SLC16A2: variants seen among roughly 807,000 people sequenced by gnomAD.
The protein encoded by SLC16A2 is solute carrier family 16 member 2.
Under a neutral mutation model 27.2 loss-of-function variants are expected in SLC16A2, and 3 were observed. That is an observed-to-expected ratio of 0.11 (90% CI 0.05 to 0.28). The LOEUF (loss-of-function observed/expected upper bound fraction) is 0.28, where lower values mean the gene tolerates loss of function less well. Ranked by LOEUF, SLC16A2 falls within the 10% of genes least tolerant of loss-of-function variation. The probability of loss-of-function intolerance (pLI) is 1.00; values close to 1 mark genes in which losing one functional copy is unlikely to be tolerated. For missense variants in SLC16A2, 295 were observed against 458.5 expected (o/e 0.64, Z 3.26); for synonymous variants, 202 against 187.8 (o/e 1.08, Z -0.62).
intron 1 of SLC16A2, among the ~76,000 whole-genome samples, chrX:74,507,778 C>T (rs1388685577): frequency 3.6e-5 from 4 of 112,086 alleles, no homozygotes; most frequent in Non-Finnish European, 7.5e-5. Context: ...CCATTATCTT[C>T]AGTGAAATAA....
chrX:74,489,338 G>A (rs1929780973), intron 1 of SLC16A2, among the ~76,000 whole-genome samples: 1 of 111,780 alleles, frequency 8.9e-6, no homozygotes, highest in Admixed American at 9.5e-5. Flanking sequence ...AATTATACAA[G>A]CAAAGATCAT....
chrX:74,511,839 T>G lies in SLC16A2; in HGVS notation c.431-9151T>G, dbSNP rs755997290. Among the ~76,000 whole-genome samples, 5 of 111,869 alleles carry G rather than the reference T, an allele frequency of 4.5e-5. No individual in the cohort carries two copies. In the South Asian group the frequency reaches 1.9e-3, roughly 42 times the overall value. Reference sequence around the variant, plus strand: ...CATCTATTCACTGGACAGACAGTTATGTAGCACTTAACTCTGGGCCCTGCA... The same window carrying G: ...CATCTATTCACTGGACAGACAGTTAGGTAGCACTTAACTCTGGGCCCTGCA... On this transcript the variant is annotated intron_variant, in intron 1 of 5. Transcript: ENST00000587091.
intron 1 of SLC16A2, among the ~76,000 whole-genome samples, chrX:74,492,080 C>T (rs1314993770): frequency 8.9e-6 from 1 of 112,132 alleles, no homozygotes; most frequent in South Asian, 3.7e-4. Context: ...TGTGCCTATC[C>T]TAGCGACTTG....
At chrX:74,476,089 A>C (rs1219199311) in intron 1 of SLC16A2, among the ~76,000 whole-genome samples, 1 of 111,088 alleles carries the variant, frequency 9.0e-6, no homozygotes, top group Non-Finnish European at 1.9e-5. Context: ...CCATTTTCAC[A>C]ATATTGATTC....
chrX:74,458,229 G>A (rs1929069581), intron 1 of SLC16A2, among the ~76,000 whole-genome samples: 1 of 112,035 alleles, frequency 8.9e-6, no homozygotes, highest in Non-Finnish European at 1.9e-5. Context: ...ATATATTTAA[G>A]TTATACAATG....
intron 1 of SLC16A2, among the ~76,000 whole-genome samples, chrX:74,446,496 C>A (rs766022436): frequency 1.8e-5 from 2 of 111,540 alleles, no homozygotes; most frequent in South Asian, 7.6e-4. Flanking sequence ...TGGCACACGC[C>A]TGTAGTTCCA....
intron 1 of SLC16A2, among the ~76,000 whole-genome samples, chrX:74,451,283 G>A (rs1394240485): frequency 8.9e-6 from 1 of 111,846 alleles, no homozygotes; most frequent in Non-Finnish European, 1.9e-5. Flanking sequence ...TTGAGGAAAG[G>A]CAAAGCATAT....
chrX:74,531,704 A>G lies in SLC16A2; in HGVS notation c.*151A>G, dbSNP rs2147350976. The stretch of plus-strand genomic sequence containing the variant: ...ACAATCTCCTTGGAGTCAAAGCTCC[A>G]GGTGTTCCAAACTCATTAACTAAAT... On this transcript the variant is annotated 3_prime_UTR_variant, in exon 6 of 6. Coordinates refer to ENST00000587091, the MANE Select transcript of SLC16A2 (RefSeq NM_006517.5). 2 of 518,251 alleles carry G rather than the reference A, an allele frequency of 3.9e-6. No individual in the cohort carries two copies. Among genetic ancestry groups the G allele is most frequent in the East Asian group, 7.2e-5 (2 of 27,704 alleles). 42.7% of individuals were successfully genotyped at this position (518,251 alleles called of 1,213,427 possible).
chrX:74,516,613 T>TA (rs760751780), intron 1 of SLC16A2, among the ~76,000 whole-genome samples: 1 of 110,864 alleles, frequency 9.0e-6, no homozygotes, highest in Non-Finnish European at 1.9e-5. Flanking sequence ...CAGTGGCCAC[T>TA]AAAAAAGGTA....
In SLC16A2 at chrX:74,531,504, C is replaced by A. The variant is rs769939296; in HGVS notation, c.1571C>A (p.Pro524His). The A allele has an allele frequency of 1.7e-6, 2 of 1,211,172 alleles. No homozygotes were observed. The highest frequency in any genetic ancestry group is 3.5e-5 in the African/African-American group (2 of 57,861). Residue 524 changes from proline (P) to histidine (H), a missense_variant, in exon 6 of 6, where the codon CCC becomes CAC. Physicochemically the swap from Pro to His is moderately conservative, Grantham distance 77. This residue lies in a region of SLC16A2 where 144 missense variants were observed against 219.8 expected (regional missense o/e 0.66). Transcript: ENST00000587091. ...AAGATGTTGGCCCCTGACCCAGACC[C>A]CAATGGGGAGCTACTGCCGGGCTCC... is the stretch of plus-strand genomic sequence containing the variant. The part of the protein sequence containing the change: ...KDKMLAPDPD[P>H]NGELLPGSPN...
chrX:74,523,887 T>C (rs929056423), intron 2 of SLC16A2, among the ~76,000 whole-genome samples: 1 of 111,793 alleles, frequency 8.9e-6, no homozygotes, highest in African/African-American at 3.3e-5. Context: ...AAGAGTCCCA[T>C]GGAAGGTTTC....
In SLC16A2 at chrX:74,531,502, C is replaced by A. The variant is rs1190533506; in HGVS notation, c.1569C>A (p.Asp523Glu). ...ATAAGATGTTGGCCCCTGACCCAGA[C>A]CCCAATGGGGAGCTACTGCCGGGCT... ...SKDKMLAPDP[D>E]PNGELLPGSP... Residue 523 changes from aspartate to glutamate, a missense_variant, in exon 6 of 6, where the codon GAC (aspartate) becomes GAA (glutamate). By Grantham distance (45) the Asp-to-Glu change is conservative (BLOSUM62 2). Transcript: ENST00000587091. 1 of 1,211,187 alleles carries A rather than the reference C, an allele frequency of 8.3e-7. No homozygotes were observed. Among genetic ancestry groups the A allele is most frequent in the South Asian group, 1.8e-5 (1 of 57,005 alleles).
chrX:74,506,200 C>T (rs1316136168), intron 1 of SLC16A2, among the ~76,000 whole-genome samples: 1 of 111,748 alleles, frequency 8.9e-6, no homozygotes, highest in Non-Finnish European at 1.9e-5. Context: ...ATAAGGCCTC[C>T]AACCCACCAT....
chrX:74,447,485 C>A (rs1423453980), intron 1 of SLC16A2, among the ~76,000 whole-genome samples: 2 of 110,497 alleles, frequency 1.8e-5, no homozygotes, highest in South Asian at 3.9e-4. Flanking sequence ...CCAGCCTGGA[C>A]AATATAGCGA....
chrX:74,477,651 A>C (rs1929511989), intron 1 of SLC16A2, among the ~76,000 whole-genome samples: 1 of 111,783 alleles, frequency 8.9e-6, no homozygotes, highest in Non-Finnish European at 1.9e-5. Flanking sequence ...CACTGCTTTA[A>C]ATGTTTCCCA....
chrX:74,517,817 C>T (rs928152636), intron 1 of SLC16A2, among the ~76,000 whole-genome samples: 1 of 111,918 alleles, frequency 8.9e-6, no homozygotes, highest in Non-Finnish European at 1.9e-5. Context: ...CATCCCTCCT[C>T]CTGCCACCTA....
At chrX:74,484,263 C>T (rs1358193533) in intron 1 of SLC16A2, among the ~76,000 whole-genome samples, 2 of 112,119 alleles carry the variant, frequency 1.8e-5, no homozygotes, top group Non-Finnish European at 3.8e-5. Flanking sequence ...GGGGCATGAG[C>T]TATCAATCAA....
intron 1 of SLC16A2, among the ~76,000 whole-genome samples, chrX:74,457,719 G>C (rs1179007689): frequency 9.0e-5 from 10 of 111,039 alleles, no homozygotes; most frequent in Admixed American, 3.9e-4. Context: ...CTCCTTCCGA[G>C]GGGCTTGTAC....
chrX:74,423,695 AC>A (rs953040781), intron 1 of SLC16A2, among the ~76,000 whole-genome samples: 6 of 111,846 alleles, frequency 5.4e-5, no homozygotes, highest in Admixed American at 1.9e-4. Context: ...CCCTGGGACC[AC>A]CTTTTTCCCT....
Sources: allele counts gnomAD v4.1 joint callset (sites outside exome capture counted in the v4.1 genomes callset), GRCh38; gene constraint gnomAD v4.1.1; regional missense constraint gnomAD v4.1.1; transcripts MANE v1.5; gene names NCBI Gene and HGNC (gene_info 2026-07-23, HGNC 2026-07-21).